INO80: variants seen among roughly 807,000 people sequenced by gnomAD.
The protein encoded by INO80 is chromatin-remodeling ATPase INO80.
In INO80, 20 loss-of-function variants were observed where a neutral mutation model predicts 203.4. That is an observed-to-expected ratio of 0.10 (90% confidence interval 0.07 to 0.14). The LOEUF is 0.14. INO80 is among the 10% of genes least tolerant of loss of function. The pLI is 1.00. For missense variants in INO80, 1,419 were observed against 1,914.4 expected (o/e 0.74, Z 4.83); for synonymous variants, 726 against 685.2 (o/e 1.06, Z -0.93).
chr15:41,100,180 T>C (rs941821134), intron 1 of INO80, among the ~76,000 whole-genome samples: 3 of 152,076 alleles, frequency 2.0e-5, no homozygotes, highest in African/African-American at 4.8e-5. Flanking sequence ...GTTCACGCCA[T>C]TCTCCTGCCT....
intron 24 of INO80, among the ~76,000 whole-genome samples, chr15:41,036,391 C>T (rs74756613): frequency 0.076 from 11,579 of 151,994 alleles, 1,289 homozygotes; most frequent in African/African-American, 0.25. Flanking sequence ...GTGTTCCTTA[C>T]TACCCAAGGA....
At chr15:41,029,884 G>A (rs2044433763) in intron 24 of INO80, among the ~76,000 whole-genome samples, 1 of 152,186 alleles carries the variant, frequency 6.6e-6, no homozygotes, top group Non-Finnish European at 1.5e-5. Flanking sequence ...CCCTCACTGG[G>A]GAGGAGAGAT....
At chr15:41,077,223 T>A (rs1409214763) in intron 9 of INO80, among the ~76,000 whole-genome samples, 3 of 151,532 alleles carry the variant, frequency 2.0e-5, no homozygotes, top group Non-Finnish European at 4.4e-5. Context: ...GCTTTATTTT[T>A]TTTTTTTTCC....
chr15:41,077,248 T>C (rs1237756158), intron 9 of INO80, among the ~76,000 whole-genome samples: 4 of 150,978 alleles, frequency 2.6e-5, no homozygotes, highest in Non-Finnish European at 5.9e-5. Flanking sequence ...AAGAGCATTA[T>C]TGGTCCAAGA....
intron 28 of INO80, among the ~76,000 whole-genome samples, chr15:40,998,965 T>C (rs1407996070): frequency 3.4e-5 from 5 of 146,554 alleles, no homozygotes; most frequent in Non-Finnish European, 7.4e-5. Flanking sequence ...GAACAGGCTT[T>C]TGACTCTAAG....
At chr15:41,055,546 A>G (rs146131648) in intron 17 of INO80, among the ~76,000 whole-genome samples, 182 bp from the exon 18 acceptor site, 31 of 152,344 alleles carry the variant, frequency 2.0e-4, no homozygotes, top group African/African-American at 7.2e-4. Context: ...AACCAACCCT[A>G]ATTTTATTAG....
Position 40,983,921 on chromosome 15 carries a change from T to G in INO80, c.4078A>C (p.Ile1360Leu), listed in dbSNP as rs1893927986. Residue 1360 changes from isoleucine to leucine, a missense_variant and splice_region_variant, in exon 34 of 36, where the codon ATC becomes CTC. Ile to Leu is a conservative substitution (Grantham distance 5). Coordinates refer to ENST00000648947, the MANE Select transcript of INO80 (RefSeq NM_017553.3). ...GTGTGCAGCTCACTGCTGATGGAGATCTAGAAGAGGAAGGGTTAAGATCAT... is the reference window on the plus strand; with the variant it reads ...GTGTGCAGCTCACTGCTGATGGAGAGCTAGAAGAGGAAGGGTTAAGATCAT... ...DSAMPSPFSE[I>L]SISSELHTGS... 6.2e-7 allele frequency: 1 copy of G among 1,613,204 alleles called. No homozygotes were observed. The highest frequency in any genetic ancestry group is 1.3e-5 in the African/African-American group (1 of 74,876).
intron 14 of INO80, among the ~76,000 whole-genome samples, chr15:41,060,407 G>A (rs2045081907): frequency 6.6e-6 from 1 of 152,020 alleles, no homozygotes; most frequent in African/African-American, 2.4e-5. Flanking sequence ...TGGCCAACAT[G>A]GTGAAACGTC....
At chr15:41,099,725 T>G (rs2045779978) in intron 1 of INO80, among the ~76,000 whole-genome samples, 1 of 150,956 alleles carries the variant, frequency 6.6e-6, no homozygotes, top group Non-Finnish European at 1.5e-5. Context: ...GAGACCTCAG[T>G]AAGTCATGAA....
chr15:41,013,697 T>A (rs1328470593), intron 27 of INO80, among the ~76,000 whole-genome samples: 1 of 152,152 alleles, frequency 6.6e-6, no homozygotes. Context: ...CTTTAAGAAA[T>A]TAAAGGAAGA....
At chr15:41,022,578 G>A (rs1290031538) in intron 25 of INO80, among the ~76,000 whole-genome samples, 1 of 152,108 alleles carries the variant, frequency 6.6e-6, no homozygotes, top group East Asian at 1.9e-4. Context: ...GGTGCCTCTG[G>A]AGGGTACCAA....
intron 28 of INO80, among the ~76,000 whole-genome samples, chr15:41,003,101 C>T (rs1267776346): frequency 6.6e-6 from 1 of 151,606 alleles, no homozygotes; most frequent in Non-Finnish European, 1.5e-5. Context: ...GCCTGGGTGA[C>T]AGAGCGAGAC....
At chr15:41,072,876 G>A (rs2045345448) in intron 11 of INO80, among the ~76,000 whole-genome samples, 1 of 151,676 alleles carries the variant, frequency 6.6e-6, no homozygotes, top group Non-Finnish European at 1.5e-5. Flanking sequence ...CGCCTACCGG[G>A]TTCACGTCAT....
chr15:41,019,202 G>C (rs2044253021), intron 26 of INO80, among the ~76,000 whole-genome samples: 1 of 152,160 alleles, frequency 6.6e-6, no homozygotes, highest in African/African-American at 2.4e-5. Context: ...AGAAGATTTT[G>C]GTCAGTCTCT....
At chr15:41,102,943 A>G (rs1347130034) in intron 1 of INO80, among the ~76,000 whole-genome samples, 1 of 152,182 alleles carries the variant, frequency 6.6e-6, no homozygotes, top group Non-Finnish European at 1.5e-5. Flanking sequence ...ATCTTCTACC[A>G]GGAATTCAAT....
chr15:41,070,385 T>C (rs1048023445), intron 13 of INO80, 82 bp downstream of exon 13: 20 of 1,197,288 alleles, frequency 1.7e-5, no homozygotes, highest in African/African-American at 7.5e-5. Flanking sequence ...CAGCTTAACA[T>C]AGTGCTTTTA....
At chr15:41,054,417 C>T (rs2044945588) in intron 18 of INO80, among the ~76,000 whole-genome samples, 1 of 152,168 alleles carries the variant, frequency 6.6e-6, no homozygotes, top group Non-Finnish European at 1.5e-5. Context: ...AAGCTCATGT[C>T]TGTGTAATAA....
At chr15:40,990,255 T>C (rs2043798962) in intron 29 of INO80, among the ~76,000 whole-genome samples, 2 of 152,244 alleles carry the variant, frequency 1.3e-5, no homozygotes, top group East Asian at 3.8e-4. Flanking sequence ...TGGCATTGCC[T>C]ACCTACCTTG....
intron 24 of INO80, among the ~76,000 whole-genome samples, chr15:41,041,641 CTA>C (rs1223977280): frequency 2.7e-5 from 4 of 150,158 alleles, no homozygotes; most frequent in Admixed American, 2.7e-4. Context: ...CGGGGTTTCA[CTA>C]CATTGGCCAG....
Sources: gnomAD v4.1 joint callset for allele counts (sites outside exome capture counted in the v4.1 genomes callset) on GRCh38, gnomAD v4.1.1 for gene constraint, MANE v1.5 for transcripts, NCBI Gene and HGNC (gene_info 2026-07-23, HGNC 2026-07-21) for gene names.